The following DPYSL3 variants were observed in gnomAD, a reference collection of about 807,000 sequenced individuals.
The protein encoded by DPYSL3 is dihydropyrimidinase-related protein 3.
Under a neutral mutation model 66.1 loss-of-function variants are expected in DPYSL3, and 16 were observed. The observed-to-expected ratio is 0.24, with a 90% CI of 0.16 to 0.37. DPYSL3 has a LOEUF of 0.37. Among genes scored for constraint, DPYSL3 ranks in the 10% least tolerant of loss-of-function variants. The pLI, the probability that DPYSL3 is intolerant of heterozygous loss-of-function variation, is 1.00. For synonymous variants in DPYSL3, 338 were observed against 345.1 expected (o/e 0.98, Z 0.23); for missense variants, 738 against 916.2 (o/e 0.81, Z 2.51).
rs775253342 is a variant in DPYSL3 at position 147,391,667 on chromosome 5, C to T, written c.*2368G>A. On this transcript the variant is annotated 3_prime_UTR_variant, in exon 14 of 14. Transcript: ENST00000343218. ...GGCCTGTTTGATGTGTCTTATGAAA[C>T]GAAACAAATCTGAATATAAATTTTA... 2.6e-5 allele frequency: 4 copies of T among 152,098 alleles called. No individual in the cohort carries two copies. Among genetic ancestry groups the T allele is most frequent in the Non-Finnish European group, 4.4e-5 (3 of 68,026 alleles). 9.4% of individuals were successfully genotyped at this position (152,098 alleles called of 1,614,324 possible). A position where few individuals can be genotyped will look rare whatever the true frequency, so the allele number is the denominator to read the frequency against.
intron 1 of DPYSL3, among the ~76,000 whole-genome samples, chr5:147,434,625 A>C (rs146644901): frequency 6.6e-6 from 1 of 152,202 alleles, no homozygotes; most frequent in Non-Finnish European, 1.5e-5. Context: ...ATAGAGAAGT[A>C]AAGATAAAAC....
chr5:147,406,388 G>C (rs1016754615), intron 7 of DPYSL3, among the ~76,000 whole-genome samples: 2 of 152,148 alleles, frequency 1.3e-5, no homozygotes, highest in Non-Finnish European at 2.9e-5. Context: ...GAGAGCTGAG[G>C]CTCTCTCAGA....
intron 8 of DPYSL3, 37 bp from the exon 9 acceptor site, chr5:147,401,733 A>G: frequency 6.2e-7 from 1 of 1,612,220 alleles, no homozygotes; most frequent in Non-Finnish European, 8.5e-7. Context: ...GGTTAGCATA[A>G]AGTATATGCT....
intron 7 of DPYSL3, among the ~76,000 whole-genome samples, chr5:147,407,264 A>G (rs1758348155): frequency 6.6e-6 from 1 of 152,162 alleles, no homozygotes; most frequent in African/African-American, 2.4e-5. Flanking sequence ...TTGGAAGGTT[A>G]CATCACCCTC....
intron 12 of DPYSL3, among the ~76,000 whole-genome samples, chr5:147,396,787 C>T (rs1470887367): frequency 6.6e-6 from 1 of 151,536 alleles, no homozygotes; most frequent in Non-Finnish European, 1.5e-5. Flanking sequence ...GTGTGGAGCT[C>T]AAATTCCACA....
chr5:147,493,422 A>C (rs1170779329), intron 1 of DPYSL3, among the ~76,000 whole-genome samples: 3 of 152,026 alleles, frequency 2.0e-5, no homozygotes, highest in African/African-American at 7.2e-5. Context: ...AAAATTTAAC[A>C]ATTAGCTGGA....
At position 147,405,667 on chromosome 5, in the gene DPYSL3, C is replaced by G; in HGVS notation, c.1096G>C (p.Val366Leu). The G allele has an allele frequency of 6.2e-7, 1 of 1,613,950 alleles. No homozygotes were observed. The highest frequency in any genetic ancestry group is 8.5e-7 in the Non-Finnish European group (1 of 1,179,916). The change falls in exon 8 of 14, where the codon GTC becomes CTC. Residue 366 changes from valine to leucine, a missense_variant. Physicochemically the swap from Val to Leu is conservative, Grantham distance 32 (BLOSUM62 1). Coordinates refer to ENST00000343218, the MANE Select transcript of DPYSL3 (RefSeq NM_001197294.2). ...IASQTNCPLY[V>L]TKVMSKSAAD... The stretch of plus-strand genomic sequence containing the variant: ...GCACTCTTGCTCATGACCTTTGTGA[C>G]GTAGAGAGGGCAATTGGTTTGGCTG...
chr5:147,400,554 T>C, intron 10 of DPYSL3, 138 bp downstream of exon 10: 1 of 1,182,706 alleles, frequency 8.5e-7, no homozygotes, highest in East Asian at 2.5e-5. Flanking sequence ...CAGAGCCACA[T>C]GGTTCCAGAG....
At position 147,509,992 on chromosome 5, in the gene DPYSL3, C is replaced by G. The variant is rs907838661; in HGVS notation, c.-134G>C. On this transcript the variant is annotated 5_prime_UTR_variant, in exon 1 of 14. Coordinates refer to ENST00000343218, the MANE Select transcript of DPYSL3 (RefSeq NM_001197294.2). This position sits in a 1 kb window ranked among gnomAD's most constrained non-coding sequence, Gnocchi z 5.3. ...AGCCTTCGCGCCAGAGGCGGCAGTG[C>G]TGCTCCGATTCCTGCTTGTCCCTAG... 3.0e-6 allele frequency: 4 copies of G among 1,346,692 alleles called. No individual in the cohort carries two copies. The highest frequency in any genetic ancestry group is 2.9e-5 in the Admixed American group (1 of 34,352). 83.4% of individuals were successfully genotyped at this position (1,346,692 alleles called of 1,614,324 possible).
intron 1 of DPYSL3, among the ~76,000 whole-genome samples, chr5:147,425,220 G>A (rs1752173373): frequency 6.6e-6 from 1 of 152,116 alleles, no homozygotes; most frequent in Non-Finnish European, 1.5e-5. Context: ...TAGCCACCTG[G>A]AAACATATCT....
intron 1 of DPYSL3, among the ~76,000 whole-genome samples, chr5:147,473,663 A>G (rs942249891): frequency 6.6e-6 from 1 of 152,036 alleles, no homozygotes; most frequent in Non-Finnish European, 1.5e-5. Flanking sequence ...ATCTTGTTCT[A>G]AATTCTAGAA....
chr5:147,470,656 C>A (rs1753073018), intron 1 of DPYSL3, among the ~76,000 whole-genome samples: 1 of 152,130 alleles, frequency 6.6e-6, no homozygotes, highest in African/African-American at 2.4e-5. Context: ...CTTCTCTTCA[C>A]TCCTAACTTG....
chr5:147,461,383 C>T (rs1248268172), intron 1 of DPYSL3, among the ~76,000 whole-genome samples: 1 of 152,144 alleles, frequency 6.6e-6, no homozygotes, highest in African/African-American at 2.4e-5. Context: ...TCAGACACCG[C>T]CTCCTCAGGC....
chr5:147,397,592 T>C (rs1287471437), intron 12 of DPYSL3, 74 bp downstream of exon 12: 4 of 1,483,876 alleles, frequency 2.7e-6, no homozygotes, highest in Non-Finnish European at 2.8e-6. Flanking sequence ...GTGCCCTGTG[T>C]TCATGGTTAC....
At chr5:147,426,625 C>T (rs1347614200) in intron 1 of DPYSL3, among the ~76,000 whole-genome samples, 3 of 152,242 alleles carry the variant, frequency 2.0e-5, no homozygotes, top group Non-Finnish European at 2.9e-5. Context: ...TCATCATTCC[C>T]TTGATGCTGA....
At chr5:147,397,905 C>T in intron 11 of DPYSL3, 60 bp from the exon 12 acceptor site, 1 of 1,115,858 alleles carries the variant, frequency 9.0e-7, no homozygotes, top group Non-Finnish European at 1.2e-6. Context: ...AACGTACCTT[C>T]TCTCCTTGAG....
chr5:147,496,497 T>C (rs1753511304), intron 1 of DPYSL3, among the ~76,000 whole-genome samples: 1 of 151,580 alleles, frequency 6.6e-6, no homozygotes, highest in African/African-American at 2.4e-5. Context: ...TGCAACCTAC[T>C]CATCTGACAA....
chr5:147,453,449 A>T (rs926968931), intron 1 of DPYSL3: 1 of 1,413,720 alleles, frequency 7.1e-7, no homozygotes, highest in Non-Finnish European at 9.3e-7. Flanking sequence ...CTCCCCGGGG[A>T]CCAGGCCAGA....
intron 1 of DPYSL3, among the ~76,000 whole-genome samples, chr5:147,430,541 GAAAA>G (rs950694213): frequency 1.3e-5 from 2 of 148,320 alleles, no homozygotes; most frequent in East Asian, 3.9e-4. Flanking sequence ...AAAGGAAAAA[GAAAA>G]AAGAAAGGAA....
Sources: allele counts gnomAD v4.1 joint callset (sites outside exome capture counted in the v4.1 genomes callset), GRCh38; gene constraint gnomAD v4.1.1; non-coding constraint Gnocchi (gnomAD v3.1); transcripts MANE v1.5; gene names NCBI Gene and HGNC (gene_info 2026-07-23, HGNC 2026-07-21).